Variants in CEP57 observed in about 807,000 individuals in gnomAD.
CEP57 encodes centrosomal protein 57.
A neutral mutation model predicts 68.0 loss-of-function variants in CEP57; 40 were observed. The observed-to-expected ratio is 0.59, with a 90% CI of 0.46 to 0.77. The LOEUF is 0.77. Among genes scored for constraint, CEP57 ranks in the 30% least tolerant of loss-of-function variants. The pLI, the probability that CEP57 is intolerant of heterozygous loss-of-function variation, is 0.00. For synonymous variants in CEP57, 219 were observed against 198.7 expected, an observed-to-expected ratio of 1.10 and a Z score of -0.86; for missense variants, 606 against 580.7, an observed-to-expected ratio of 1.04 and a Z score of -0.45.
rs186476356 is a variant in CEP57 at position 95,822,613 on chromosome 11, A to G, written c.885+37A>G. 5.5e-4 allele frequency: 840 copies of G among 1,518,804 alleles called. 4 individuals carry two copies. In the African/African-American group the frequency reaches 0.01, roughly 18 times the overall value. The allele number at this position is 1,518,804 out of a possible 1,614,324, so 94.1% of individuals were successfully genotyped here. ...AAACTCCGGATTCTTTTTATACAAC[A>G]TTGATCCCTGAATTAAGTCCCTGCA... On this transcript the variant is annotated intron_variant, in intron 8 of 10. Coordinates refer to ENST00000325542, the MANE Select transcript of CEP57 (RefSeq NM_014679.5).
At chr11:95,810,813 C>G (rs1175951785) in intron 2 of CEP57, among the ~76,000 whole-genome samples, 1 of 152,178 alleles carries the variant, frequency 6.6e-6, no homozygotes, top group Non-Finnish European at 1.5e-5. Flanking sequence ...CATCAAGCTA[C>G]CACTGACTTT....
intron 8 of CEP57, 68 bp from the exon 9 acceptor site, chr11:95,827,718 T>C: frequency 6.3e-7 from 1 of 1,594,844 alleles, no homozygotes. Flanking sequence ...TTACCTAGGC[T>C]TAGGGAATAG....
intron 2 of CEP57, among the ~76,000 whole-genome samples, chr11:95,802,058 A>G (rs1370561256): frequency 6.6e-6 from 1 of 152,156 alleles, no homozygotes; most frequent in Non-Finnish European, 1.5e-5. Flanking sequence ...GTGAGATATG[A>G]ACAAAGACCA....
At chr11:95,822,200 A>G (rs1210649723) in intron 7 of CEP57, 2 of 586,062 alleles carry the variant, frequency 3.4e-6, no homozygotes, top group South Asian at 2.0e-5. Flanking sequence ...ACCATACAAA[A>G]TTAGCATTAT....
At chr11:95,809,000 G>A (rs547250435) in intron 2 of CEP57, among the ~76,000 whole-genome samples, 16 of 152,252 alleles carry the variant, frequency 1.1e-4, no homozygotes, top group Admixed American at 4.6e-4. Flanking sequence ...ATAACAGACT[G>A]TCTCTCAGAC....
chr11:95,829,827 G>A (rs1483947405), intron 10 of CEP57, among the ~76,000 whole-genome samples: 1 of 152,156 alleles, frequency 6.6e-6, no homozygotes, highest in East Asian at 1.9e-4. Context: ...AGTGACTAGG[G>A]GTAGGGTAAT....
chr11:95,825,977 G>C (rs993209687), intron 8 of CEP57: 1 of 152,086 alleles, frequency 6.6e-6, no homozygotes, highest in Admixed American at 6.6e-5. Flanking sequence ...TAAAACAAAT[G>C]GTGGAAGAAT....
At chr11:95,820,657 A>T (rs1221177115) in intron 6 of CEP57, among the ~76,000 whole-genome samples, 1 of 152,108 alleles carries the variant, frequency 6.6e-6, no homozygotes, top group East Asian at 1.9e-4. Flanking sequence ...AAAAATAATG[A>T]AAGTGCTTTA....
At chr11:95,796,812 A>T (rs1287426976) in intron 1 of CEP57, among the ~76,000 whole-genome samples, 1 of 152,162 alleles carries the variant, frequency 6.6e-6, no homozygotes, top group Non-Finnish European at 1.5e-5. Context: ...AAATTATGGG[A>T]TTCCTGCAGC....
chr11:95,815,571 G>T (rs375078535), intron 4 of CEP57, among the ~76,000 whole-genome samples: 1 of 151,364 alleles, frequency 6.6e-6, no homozygotes, highest in African/African-American at 2.4e-5. Flanking sequence ...TTCATTTATT[G>T]TGTTAATTCC....
Position 95,792,956 on chromosome 11 carries a change from A to C in CEP57, c.45+2213A>C, listed in dbSNP as rs188164856. 6.6e-5 allele frequency among the ~76,000 whole-genome samples: 10 copies of C among 152,298 alleles called. No individual in the cohort carries two copies. The East Asian group carries it at 1.7e-3, about 26-fold the overall frequency. Reference sequence around the variant, plus strand: ...AAAAACTTGTTAAAACTATACCATGAACTGAGAACACAACTCGTATTCAGA... The same window carrying C: ...AAAAACTTGTTAAAACTATACCATGCACTGAGAACACAACTCGTATTCAGA... On this transcript the variant is annotated intron_variant, in intron 1 of 10. Transcript: ENST00000325542.
chr11:95,791,646 A>G (rs188582450), intron 1 of CEP57, among the ~76,000 whole-genome samples: 2 of 152,312 alleles, frequency 1.3e-5, no homozygotes, highest in Non-Finnish European at 2.9e-5. Flanking sequence ...AGGAAGTGCT[A>G]CCGTAGTAGA....
At chr11:95,827,693 G>T in intron 8 of CEP57, 93 bp from the exon 9 acceptor site, 8 of 1,397,198 alleles carry the variant, frequency 5.7e-6, no homozygotes, top group Non-Finnish European at 8.1e-6. Context: ...TACTTTAGGG[G>T]GTGGAGAGTT....
chr11:95,800,521 C>A (rs1861532876), intron 2 of CEP57, among the ~76,000 whole-genome samples: 1 of 152,000 alleles, frequency 6.6e-6, no homozygotes, highest in Non-Finnish European at 1.5e-5. Context: ...CTTGCCTCAG[C>A]CTCCTGAGTA....
intron 2 of CEP57, 45 bp downstream of exon 2, chr11:95,799,433 G>A (rs2135260357): frequency 6.2e-7 from 1 of 1,609,440 alleles, no homozygotes; most frequent in East Asian, 2.2e-5. Flanking sequence ...TTTTCTTGCT[G>A]CTTTAAAATT....
chr11:95,817,905 T>G lies in CEP57; in HGVS notation c.621+2T>G. ...ACCACAATGCAGGCCCTTGCAGAAGTCAGTGCATGTGTCTTTTTATTGTTA... is the reference window on the plus strand; with the variant it reads ...ACCACAATGCAGGCCCTTGCAGAAGGCAGTGCATGTGTCTTTTTATTGTTA... On this transcript the variant is annotated splice_donor_variant, in intron 5 of 10. Coordinates refer to ENST00000325542, the MANE Select transcript of CEP57 (RefSeq NM_014679.5). LOFTEE classifies it high-confidence loss of function. 1 of 1,558,364 alleles carries G rather than the reference T, an allele frequency of 6.4e-7. No individual in the cohort carries two copies. Among genetic ancestry groups the G allele is most frequent in the Non-Finnish European group, 8.9e-7 (1 of 1,129,292 alleles).
intron 1 of CEP57, chr11:95,794,283 A>G (rs1244018397): frequency 2.2e-6 from 1 of 455,946 alleles, no homozygotes; most frequent in Non-Finnish European, 4.4e-6. Context: ...CTGTGACTCA[A>G]CCCGTATCAT....
chr11:95,814,133 A>C (rs1862196002), intron 4 of CEP57, among the ~76,000 whole-genome samples: 1 of 152,098 alleles, frequency 6.6e-6, no homozygotes, highest in African/African-American at 2.4e-5. Context: ...GTTCACTGCA[A>C]CCTCTACCTC....
intron 10 of CEP57, among the ~76,000 whole-genome samples, chr11:95,830,369 C>T (rs577109529): frequency 1.4e-4 from 21 of 152,196 alleles, no homozygotes; most frequent in African/African-American, 4.8e-4. Context: ...GCAAATTATT[C>T]CTGTAGGAGT....
Sources: gnomAD v4.1 joint callset for allele counts (sites outside exome capture counted in the v4.1 genomes callset) on GRCh38, gnomAD v4.1.1 for gene constraint, MANE v1.5 for transcripts, NCBI Gene and HGNC (gene_info 2026-07-23, HGNC 2026-07-21) for gene names.